The following NHS variants were observed in gnomAD, a reference collection of about 807,000 sequenced individuals.
NHS encodes the protein NHS actin remodeling regulator.
NHS carries 5 observed loss-of-function variants against 72.5 expected under a neutral mutation model. The observed-to-expected ratio is 0.07, with a 90% CI of 0.04 to 0.14. The LOEUF (loss-of-function observed/expected upper bound fraction) is 0.14, where lower values mean the gene tolerates loss of function less well. Ranked by LOEUF, NHS falls within the 10% of genes least tolerant of loss-of-function variation. NHS has a pLI of 1.00. For synonymous variants in NHS, 464 were observed against 547.7 expected (o/e 0.85, Z 2.13); for missense variants, 1,072 against 1,355.7 (o/e 0.79, Z 3.29).
chrX:17,457,354 G>A (rs1265302348), intron 1 of NHS, among the ~76,000 whole-genome samples: 1 of 111,644 alleles, frequency 9.0e-6, no homozygotes, highest in East Asian at 2.8e-4. Context: ...TGAGCACCTC[G>A]GTAAGCTTCT....
intron 1 of NHS, chrX:17,587,233 C>A (rs2065580324): frequency 8.9e-6 from 1 of 112,366 alleles, no homozygotes; most frequent in African/African-American, 3.2e-5. Flanking sequence ...ATAAATTGAA[C>A]AGGCGCCCTC....
chrX:17,707,516 T>C (rs2066302991), intron 3 of NHS, among the ~76,000 whole-genome samples: 1 of 111,878 alleles, frequency 8.9e-6, no homozygotes, highest in African/African-American at 3.2e-5. Flanking sequence ...AACTGCCTTA[T>C]TGGGAAAGAA....
At chrX:17,595,310 A>G (rs987744292) in intron 1 of NHS, among the ~76,000 whole-genome samples, 1 of 111,754 alleles carries the variant, frequency 8.9e-6, no homozygotes, top group African/African-American at 3.3e-5. Context: ...TTTGTGAGCC[A>G]TCTGCTGCTG....
At chrX:17,599,696 C>A (rs765183377) in intron 1 of NHS, among the ~76,000 whole-genome samples, 3 of 110,979 alleles carry the variant, frequency 2.7e-5, no homozygotes, top group South Asian at 3.8e-4. Flanking sequence ...ATGTTAATGT[C>A]TTTTATATAA....
Position 17,727,793 on chromosome X carries a change from C to T in NHS, c.3687C>T (p.Cys1229=), listed in dbSNP as rs111534978. The change falls in exon 7 of 9, where the codon TGC becomes TGT. Residue 1229 remains cysteine, a synonymous_variant. Transcript: ENST00000676302. ...KNSTFDVKNR[C]DPETITSAGS... The stretch of plus-strand genomic sequence containing the variant: ...CTACTTTTGATGTGAAGAATCGCTG[C>T]GATCCAGAAACCATAACATCAGCTG... 63 of 1,209,953 alleles carry T rather than the reference C, an allele frequency of 5.2e-5. No individual in the cohort carries two copies. The highest frequency in any genetic ancestry group is 4.7e-4 in the African/African-American group (27 of 57,204).
chrX:17,623,714 C>A (rs1309026183), intron 1 of NHS, among the ~76,000 whole-genome samples: 1 of 112,090 alleles, frequency 8.9e-6, no homozygotes, highest in Non-Finnish European at 1.9e-5. Context: ...TCCCCAGGGG[C>A]CTGCTGGTGA....
In NHS at chrX:17,376,303, C is replaced by G. The variant is rs759834255; in HGVS notation, c.546C>G (p.Asp182Glu). The change falls in exon 1 of 9, where the codon GAC becomes GAG. Residue 182 changes from aspartate (D) to glutamate (E), a missense_variant. By Grantham distance (45) the Asp-to-Glu change is conservative. Coordinates refer to ENST00000676302, the MANE Select transcript of NHS (RefSeq NM_001291867.2). The part of the protein sequence containing the change: ...GGVQRVLSTL[D>E]PKQEAVPVSN... ...TGCAGCGCGTCCTCAGCACGCTTGA[C>G]CCTAAGCAGGAGGCAGTGCGTGAGT... The G allele has an allele frequency of 4.3e-6, 5 of 1,155,506 alleles. No individual in the cohort carries two copies. Among genetic ancestry groups the G allele is most frequent in the Non-Finnish European group, 5.7e-6 (5 of 872,692 alleles).
At position 17,712,391 on chromosome X, in the gene NHS, C is replaced by T. The variant is rs866217150; in HGVS notation, c.853-6953C>T. On this transcript the variant is annotated intron_variant, in intron 3 of 8. Coordinates refer to ENST00000676302, the MANE Select transcript of NHS (RefSeq NM_001291867.2). ...ACACACACACACACACACACACACA[C>T]ACATATATATATATATATATATTGC... Among the ~76,000 whole-genome samples the T allele has an allele frequency of 1.2e-3, 104 of 89,381 alleles. 1 individual carries two copies. The highest frequency in any genetic ancestry group is 4.4e-3 in the African/African-American group (91 of 20,549). The allele number at this position is 89,381 out of a possible 115,157, so 77.6% of individuals were successfully genotyped here. A position where few individuals can be genotyped will look rare whatever the true frequency, so the allele number is the denominator to read the frequency against.
chrX:17,422,991 C>A (rs1291698633), intron 1 of NHS, among the ~76,000 whole-genome samples: 3 of 112,082 alleles, frequency 2.7e-5, no homozygotes, highest in African/African-American at 9.7e-5. Flanking sequence ...CAGTCTGAAT[C>A]TCCAAGTGAT....
chrX:17,454,087 T>G (rs2064816677), intron 1 of NHS, among the ~76,000 whole-genome samples: 1 of 112,071 alleles, frequency 8.9e-6, no homozygotes, highest in African/African-American at 3.2e-5. Flanking sequence ...TTGAATGATA[T>G]GAGTCCTTAA....
chrX:17,517,219 A>G (rs1048990232), intron 1 of NHS, among the ~76,000 whole-genome samples: 9 of 112,419 alleles, frequency 8.0e-5, no homozygotes, highest in Non-Finnish European at 1.7e-4. Context: ...GACTTTTGCC[A>G]TTAACTAGCC....
intron 1 of NHS, among the ~76,000 whole-genome samples, chrX:17,520,422 C>T (rs1000781410): frequency 1.3e-4 from 15 of 111,928 alleles, no homozygotes; most frequent in African/African-American, 4.2e-4. Flanking sequence ...GGGACTGGCT[C>T]GGAGGATAGC....
chrX:17,465,805 T>C (rs1389379364), intron 1 of NHS, among the ~76,000 whole-genome samples: 4 of 112,498 alleles, frequency 3.6e-5, no homozygotes, highest in Non-Finnish European at 5.6e-5. Flanking sequence ...TCATGTGTAA[T>C]GTCTAACATG....
Position 17,732,139 on chromosome X carries a change from T to C in NHS, c.4631T>C (p.Ile1544Thr), listed in dbSNP as rs759747929. The change falls in exon 9 of 9, where the codon ATA (isoleucine) becomes ACA (threonine). Residue 1544 changes from isoleucine (I) to threonine (T), a missense_variant. By Grantham distance (89) the Ile-to-Thr change is moderately conservative. Coordinates refer to ENST00000676302, the MANE Select transcript of NHS (RefSeq NM_001291867.2). Reference protein sequence around the residue: ...MSATEILKSPILPKPPGELTA... With the variant: ...MSATEILKSPTLPKPPGELTA... ...GCCACTGAGATCCTGAAGAGCCCCATACTGCCCAAACCTCCTGGGGAGCTC... is the reference window on the plus strand; with the variant it reads ...GCCACTGAGATCCTGAAGAGCCCCACACTGCCCAAACCTCCTGGGGAGCTC... 1 of 1,211,880 alleles carries C rather than the reference T, an allele frequency of 8.3e-7. No homozygotes were observed.
At chrX:17,515,945 A>G (rs987623406) in intron 1 of NHS, among the ~76,000 whole-genome samples, 1 of 110,874 alleles carries the variant, frequency 9.0e-6, no homozygotes, top group African/African-American at 3.3e-5. Flanking sequence ...GAATCAAGTG[A>G]AATAATCATT....
intron 1 of NHS, among the ~76,000 whole-genome samples, chrX:17,622,349 G>A (rs930891366): frequency 8.9e-6 from 1 of 112,697 alleles, no homozygotes; most frequent in African/African-American, 3.2e-5. Context: ...AGTCAAGGGC[G>A]TCTTAAATGC....
rs1443939504 is a variant in NHS at position 17,692,299 on chromosome X, G to A, written c.719-36G>A. Reference sequence around the variant, plus strand: ...GGAAAAGAGAAATTGAAAATGCCAAGTGTATTTCAGTATTACTGCTTTTTC... The same window carrying A: ...GGAAAAGAGAAATTGAAAATGCCAAATGTATTTCAGTATTACTGCTTTTTC... On this transcript the variant is annotated intron_variant, in intron 2 of 8. Coordinates refer to ENST00000676302, the MANE Select transcript of NHS (RefSeq NM_001291867.2). 3.3e-6 allele frequency: 4 copies of A among 1,206,652 alleles called. No individual in the cohort carries two copies. In the East Asian group the frequency reaches 8.9e-5, roughly 27 times the overall value.
chrX:17,513,701 G>T (rs1266593277), intron 1 of NHS, among the ~76,000 whole-genome samples: 4 of 112,132 alleles, frequency 3.6e-5, no homozygotes, highest in African/African-American at 1.3e-4. Context: ...GGGGCCAGTT[G>T]TGCACCACAA....
chrX:17,668,020 G>A (rs2066023038), intron 1 of NHS, among the ~76,000 whole-genome samples: 1 of 105,763 alleles, frequency 9.5e-6, no homozygotes, highest in Admixed American at 1.0e-4. Flanking sequence ...TGGGAGACAA[G>A]GCAGGCAAAT....
Sources: allele counts gnomAD v4.1 joint callset (sites outside exome capture counted in the v4.1 genomes callset), GRCh38; gene constraint gnomAD v4.1.1; transcripts MANE v1.5; gene names NCBI Gene and HGNC (gene_info 2026-07-23, HGNC 2026-07-21).